DNAH7: variants seen among roughly 807,000 people sequenced by gnomAD.
DNAH7 encodes the protein dynein axonemal heavy chain 7, also known as axonemal beta dynein heavy chain 7.
A neutral mutation model predicts 444.6 loss-of-function variants in DNAH7; 397 were observed. The observed-to-expected ratio is 0.89, with a 90% confidence interval of 0.82 to 0.97. DNAH7 has a LOEUF of 0.97. DNAH7 is among the 50% of genes least tolerant of loss of function. The pLI is 0.00. For missense variants in DNAH7, 4,902 were observed against 4,800.8 expected (o/e 1.02, Z -0.62); for synonymous variants, 1,636 against 1,624.4 (o/e 1.01, Z -0.17).
chr2:196,029,354 G>A (rs770823942), intron 5 of DNAH7, among the ~76,000 whole-genome samples: 13 of 151,668 alleles, frequency 8.6e-5, no homozygotes, highest in Non-Finnish European at 2.9e-5. Context: ...TGTGAATAAC[G>A]CCTGCCTAGA....
At chr2:195,843,259 A>T (rs1490855574) in intron 47 of DNAH7, among the ~76,000 whole-genome samples, 1 of 152,202 alleles carries the variant, frequency 6.6e-6, no homozygotes, top group East Asian at 1.9e-4. Context: ...GCTTTGTAAA[A>T]GGCGCTTAAA....
chr2:195,914,648 CATTTT>C (rs1483239791), intron 24 of DNAH7, among the ~76,000 whole-genome samples: 2 of 152,126 alleles, frequency 1.3e-5, no homozygotes, highest in African/African-American at 2.4e-5. Context: ...TGAAAAACAT[CATTTT>C]ATTTTATTTA....
intron 25 of DNAH7, among the ~76,000 whole-genome samples, chr2:195,908,634 A>AT (rs1326498593): frequency 2.0e-5 from 3 of 152,004 alleles, no homozygotes; most frequent in Non-Finnish European, 4.4e-5. Flanking sequence ...GCTGAATAGT[A>AT]TTTCATTGTA....
intron 28 of DNAH7, among the ~76,000 whole-genome samples, chr2:195,899,854 T>A (rs1686592165): frequency 6.6e-6 from 1 of 152,184 alleles, no homozygotes; most frequent in African/African-American, 2.4e-5. Context: ...ATTTTGAAGG[T>A]AAACATCATA....
intron 2 of DNAH7, among the ~76,000 whole-genome samples, 187 bp downstream of exon 2, chr2:196,057,867 A>G (rs568439644): frequency 2.0e-5 from 3 of 152,318 alleles, no homozygotes; most frequent in Admixed American, 6.5e-5. Flanking sequence ...TACAGCCTAT[A>G]GTTATTTTAT....
intron 15 of DNAH7, among the ~76,000 whole-genome samples, chr2:195,975,646 A>G (rs1692140920): frequency 6.6e-6 from 1 of 152,178 alleles, no homozygotes; most frequent in Non-Finnish European, 1.5e-5. Context: ...TCACTGCTCC[A>G]AAGAAGACCC....
At position 195,808,670 on chromosome 2, in the gene DNAH7, G is replaced by A. The variant is rs1696817239; in HGVS notation, c.10083+12C>T. 6.2e-7 allele frequency: 1 copy of A among 1,612,924 alleles called. No homozygotes were observed. Among genetic ancestry groups the A allele is most frequent in the Non-Finnish European group, 8.5e-7 (1 of 1,179,566 alleles). On this transcript the variant is annotated intron_variant, in intron 53 of 64. Transcript: ENST00000312428. ...TAAAAACATTGGAATAAGTGAGAGG[G>A]TTAAAACATACCAAACTATCATATA...
At chr2:195,961,642 C>T (rs1217047519) in intron 17 of DNAH7, among the ~76,000 whole-genome samples, 1 of 152,090 alleles carries the variant, frequency 6.6e-6, no homozygotes, top group Admixed American at 6.6e-5. Context: ...TTTCAGAGAA[C>T]AATGTCTGGT....
intron 13 of DNAH7, among the ~76,000 whole-genome samples, chr2:195,987,733 T>C (rs2125634713): frequency 6.6e-6 from 1 of 152,056 alleles, no homozygotes; most frequent in African/African-American, 2.4e-5. Flanking sequence ...CGTGTCAGAG[T>C]TGCGGTAGTA....
At chr2:196,051,542 C>A (rs1216210890) in intron 2 of DNAH7, among the ~76,000 whole-genome samples, 1 of 151,988 alleles carries the variant, frequency 6.6e-6, no homozygotes, top group Admixed American at 6.6e-5. Context: ...CTGAGGTGGG[C>A]GGATCACAAG....
At position 195,824,251 on chromosome 2, in the gene DNAH7, T is replaced by G; in HGVS notation, c.9291+4A>C. The G allele has an allele frequency of 6.2e-7, 1 of 1,604,870 alleles. No homozygotes were observed. The highest frequency in any genetic ancestry group is 8.5e-7 in the Non-Finnish European group (1 of 1,174,928). Reference sequence around the variant, plus strand: ...ATAAAGAAACATTCATTTTATATACTGGCCTTTACTGATGTTTCAGGAAGA... The same window carrying G: ...ATAAAGAAACATTCATTTTATATACGGGCCTTTACTGATGTTTCAGGAAGA... On this transcript the variant is annotated splice_donor_region_variant and intron_variant, in intron 49 of 64. Coordinates refer to ENST00000312428, the MANE Select transcript of DNAH7 (RefSeq NM_018897.3).
chr2:196,030,899 C>T (rs368078358), intron 5 of DNAH7, among the ~76,000 whole-genome samples: 5 of 152,314 alleles, frequency 3.3e-5, no homozygotes, highest in Admixed American at 1.3e-4. Flanking sequence ...TCCAGGCAAA[C>T]GGTGCAAGCT....
Position 195,847,657 on chromosome 2 carries a change from C to CA in DNAH7, c.8782-2493dup, listed in dbSNP as rs1369070018. Among the ~76,000 whole-genome samples, 257 of 149,762 alleles carry CA rather than the reference C, an allele frequency of 1.7e-3. 1 individual carries two copies. The highest frequency in any genetic ancestry group is 4.9e-3 in the African/African-American group (198 of 40,792). Reference sequence around the variant, plus strand: ...CTGAACCTAAAAGTTAAAAAAAAAACAAAAAAAACAAAGATTCAATTTACA... The same window carrying CA: ...CTGAACCTAAAAGTTAAAAAAAAAACAAAAAAAAACAAAGATTCAATTTACA... On this transcript the variant is annotated intron_variant, in intron 46 of 64. Coordinates refer to ENST00000312428, the MANE Select transcript of DNAH7 (RefSeq NM_018897.3).
At chr2:195,939,106 T>C (rs1173883479) in intron 19 of DNAH7, among the ~76,000 whole-genome samples, 3 of 152,068 alleles carry the variant, frequency 2.0e-5, no homozygotes, top group Non-Finnish European at 2.9e-5. Flanking sequence ...AATTAGATAA[T>C]GTATTTGAAG....
At chr2:195,744,320 C>T (rs1419102066) in intron 63 of DNAH7, among the ~76,000 whole-genome samples, 12 of 152,322 alleles carry the variant, frequency 7.9e-5, no homozygotes, top group South Asian at 2.1e-4. Context: ...GAGGGGCGCC[C>T]GCCATTGCCC....
At chr2:196,023,949 G>A (rs1201674974) in intron 8 of DNAH7, among the ~76,000 whole-genome samples, 2 of 152,170 alleles carry the variant, frequency 1.3e-5, no homozygotes, top group Admixed American at 6.5e-5. Context: ...CTGGTTGGTG[G>A]AGGAGTCAGA....
intron 63 of DNAH7, among the ~76,000 whole-genome samples, chr2:195,748,768 A>C (rs1013409229): frequency 1.1e-4 from 16 of 152,230 alleles, no homozygotes; most frequent in African/African-American, 3.9e-4. Context: ...GGTGCTGGGA[A>C]AACTGGCTAG....
chr2:195,749,056 A>G (rs1198000954), intron 63 of DNAH7, among the ~76,000 whole-genome samples: 1 of 151,876 alleles, frequency 6.6e-6, no homozygotes, highest in Non-Finnish European at 1.5e-5. Context: ...GCAACCTACA[A>G]AATGGGAGAA....
chr2:195,964,489 G>A (rs1319063251), intron 17 of DNAH7, among the ~76,000 whole-genome samples: 1 of 140,304 alleles, frequency 7.1e-6, no homozygotes, highest in Non-Finnish European at 1.5e-5. Context: ...TGTCAATTTT[G>A]TATCCTGTAA....
Sources: gnomAD v4.1 joint callset for allele counts (sites outside exome capture counted in the v4.1 genomes callset) on GRCh38, gnomAD v4.1.1 for gene constraint, MANE v1.5 for transcripts, NCBI Gene and HGNC (gene_info 2026-07-23, HGNC 2026-07-21) for gene names.